NKAIN2: variants seen among roughly 807,000 people sequenced by gnomAD.
The protein encoded by NKAIN2 is sodium/potassium-transporting ATPase subunit beta-1-interacting protein 2.
A neutral mutation model predicts 32.6 loss-of-function variants in NKAIN2; 14 were observed. The observed-to-expected ratio is 0.43, with a 90% CI of 0.28 to 0.67. The LOEUF is 0.67. NKAIN2 is among the 30% of genes least tolerant of loss of function. The probability of loss-of-function intolerance (pLI) is 0.17; values close to 1 mark genes in which losing one functional copy is unlikely to be tolerated. For synonymous variants in NKAIN2, 80 were observed against 87.2 expected, an observed-to-expected ratio of 0.92 and a Z score of 0.46; for missense variants, 198 against 258.3, an observed-to-expected ratio of 0.77 and a Z score of 1.60.
chr6:124,672,674 G>A (rs1168095535), intron 4 of NKAIN2, among the ~76,000 whole-genome samples: 1 of 152,008 alleles, frequency 6.6e-6, no homozygotes, highest in Admixed American at 6.6e-5. Flanking sequence ...CTTTGACAAT[G>A]AGGCTGTGTG....
At chr6:124,818,541 T>G (rs1432324218) in intron 6 of NKAIN2, 73 bp downstream of exon 6, 1 of 616,008 alleles carries the variant, frequency 1.6e-6, no homozygotes, top group Non-Finnish European at 2.9e-6. Context: ...CGATACAAAA[T>G]TGATGGCATG....
rs59004697 is a variant in NKAIN2 at position 124,445,421 on chromosome 6, AT to A, written c.273+90076del. On this transcript the variant is annotated intron_variant, in intron 3 of 6. Transcript: ENST00000368417. ...TATTTGTTAAGGGTTGAAATTTTGT[AT>A]TGTTGTCTAAATTGCATTTTATTGT... is the stretch of plus-strand genomic sequence containing the variant. 9.6e-3 allele frequency among the ~76,000 whole-genome samples: 1,454 copies of A among 152,200 alleles called. 20 individuals carry two copies. Among genetic ancestry groups the A allele is most frequent in the African/African-American group, 0.033 (1,388 of 41,540 alleles).
chr6:123,863,183 G>C (rs1775853967), intron 1 of NKAIN2, among the ~76,000 whole-genome samples: 1 of 152,190 alleles, frequency 6.6e-6, no homozygotes, highest in Non-Finnish European at 1.5e-5. Context: ...TATGTTGAAA[G>C]AGCTTTTAGG....
At chr6:124,238,270 G>C (rs943253222) in intron 1 of NKAIN2, among the ~76,000 whole-genome samples, 4 of 151,950 alleles carry the variant, frequency 2.6e-5, no homozygotes, top group African/African-American at 7.2e-5. Flanking sequence ...TGAAAGTTTT[G>C]AATTAAGAAT....
intron 1 of NKAIN2, among the ~76,000 whole-genome samples, chr6:124,168,039 A>G (rs949099350): frequency 5.3e-5 from 8 of 152,206 alleles, no homozygotes; most frequent in African/African-American, 1.7e-4. Flanking sequence ...ATTCTGCCTC[A>G]ATGCCACATT....
intron 1 of NKAIN2, among the ~76,000 whole-genome samples, chr6:124,218,344 A>G (rs915782962): frequency 1.3e-5 from 2 of 152,170 alleles, no homozygotes; most frequent in Non-Finnish European, 2.9e-5. Flanking sequence ...TGTATTTTCA[A>G]TTTCATTTGA....
At chr6:124,459,271 C>CAAAATAAGCCA (rs1253202394) in intron 3 of NKAIN2, among the ~76,000 whole-genome samples, 1 of 151,818 alleles carries the variant, frequency 6.6e-6, no homozygotes, top group Non-Finnish European at 1.5e-5. Flanking sequence ...ACAAAGTCCG[C>CAAAATAAGCCA]AAAATAAGCC....
At chr6:123,949,677 T>C (rs1777234172) in intron 1 of NKAIN2, among the ~76,000 whole-genome samples, 1 of 152,040 alleles carries the variant, frequency 6.6e-6, no homozygotes, top group Non-Finnish European at 1.5e-5. Context: ...CTGACTTATT[T>C]ATCGGTTTAA....
intron 4 of NKAIN2, among the ~76,000 whole-genome samples, chr6:124,741,651 G>T (rs938933608): frequency 5.3e-5 from 8 of 151,866 alleles, no homozygotes; most frequent in African/African-American, 1.9e-4. Flanking sequence ...GCAGCTGAAG[G>T]TGGCTACTGT....
At chr6:124,111,910 T>A (rs940595796) in intron 1 of NKAIN2, among the ~76,000 whole-genome samples, 1 of 152,054 alleles carries the variant, frequency 6.6e-6, no homozygotes, top group Non-Finnish European at 1.5e-5. Context: ...GTCTACTTTA[T>A]GCTAATAAGT....
At chr6:124,710,853 G>A (rs1209333380) in intron 4 of NKAIN2, among the ~76,000 whole-genome samples, 4 of 150,190 alleles carry the variant, frequency 2.7e-5, no homozygotes, top group Non-Finnish European at 4.4e-5. Context: ...ATTGTTATGT[G>A]TGAATTTGAT....
chr6:124,364,773 G>A (rs10872283), intron 3 of NKAIN2, among the ~76,000 whole-genome samples: 34,692 of 151,546 alleles, frequency 0.23, 4,021 homozygotes, highest in Admixed American at 0.3. Context: ...ACACCCCAGA[G>A]AGAAAAAGGG....
chr6:124,470,944 G>C (rs1474666780), intron 3 of NKAIN2, among the ~76,000 whole-genome samples: 2 of 151,948 alleles, frequency 1.3e-5, no homozygotes, highest in Non-Finnish European at 2.9e-5. Flanking sequence ...GTCAAATCTG[G>C]TTCTCAGTCA....
chr6:124,101,570 T>G (rs1433659802), intron 1 of NKAIN2, among the ~76,000 whole-genome samples: 2 of 151,750 alleles, frequency 1.3e-5, no homozygotes, highest in Admixed American at 1.3e-4. Flanking sequence ...CAAAGCAGGG[T>G]TTTTTTTGTT....
chr6:124,441,992 A>T lies in NKAIN2; in HGVS notation c.273+86645A>T, dbSNP rs148114412. On this transcript the variant is annotated intron_variant, in intron 3 of 6. Transcript: ENST00000368417. ...ACATTTACATACACATAAGACTAGC[A>T]CTTGGGCTGATGCTGAGTCTTCTGT... Among the ~76,000 whole-genome samples the T allele has an allele frequency of 2.0e-3, 300 of 152,116 alleles. 1 individual carries two copies. The highest frequency in any genetic ancestry group is 3.4e-3 in the Admixed American group (52 of 15,260).
chr6:124,800,021 C>G (rs772128648), intron 5 of NKAIN2, among the ~76,000 whole-genome samples: 1 of 152,144 alleles, frequency 6.6e-6, no homozygotes, highest in Non-Finnish European at 1.5e-5. Flanking sequence ...AAAATAAAAT[C>G]ACTGGGATTC....
intron 1 of NKAIN2, among the ~76,000 whole-genome samples, chr6:124,226,155 A>T (rs192483663): frequency 2.0e-3 from 302 of 151,998 alleles, no homozygotes; most frequent in African/African-American, 6.9e-3. Flanking sequence ...TTTAATTTGT[A>T]TTTTTTTCCT....
chr6:124,249,741 T>G (rs751763784), intron 1 of NKAIN2, among the ~76,000 whole-genome samples: 1 of 152,086 alleles, frequency 6.6e-6, no homozygotes, highest in Non-Finnish European at 1.5e-5. Context: ...TATGTTGAAC[T>G]CTTGTGTCCT....
intron 1 of NKAIN2, among the ~76,000 whole-genome samples, chr6:124,101,123 T>A (rs1784869306): frequency 6.6e-6 from 1 of 152,176 alleles, no homozygotes; most frequent in Non-Finnish European, 1.5e-5. Flanking sequence ...AAAGCAATAG[T>A]ACACTGTACA....
Sources: gnomAD v4.1 joint callset for allele counts (sites outside exome capture counted in the v4.1 genomes callset) on GRCh38, gnomAD v4.1.1 for gene constraint, MANE v1.5 for transcripts, NCBI Gene and HGNC (gene_info 2026-07-23, HGNC 2026-07-21) for gene names.